The following DNLZ variants were observed in gnomAD, a reference collection of about 807,000 sequenced individuals.
DNLZ encodes the protein DNL-type zinc finger.
Under a neutral mutation model 7.8 loss-of-function variants are expected in DNLZ, and 15 were observed. That is an observed-to-expected ratio of 1.91 (90% confidence interval 1.28 to 2.95). DNLZ has a LOEUF of 2.95. DNLZ is among the 30% of genes most tolerant of loss of function. The probability of loss-of-function intolerance (pLI) is 0.00; values close to 1 mark genes in which losing one functional copy is unlikely to be tolerated. For missense variants in DNLZ, 255 were observed against 167.3 expected (o/e 1.52, Z -2.89); for synonymous variants, 123 against 77.8 (o/e 1.58, Z -3.05).
At position 136,362,193 on chromosome 9, in the gene DNLZ, G is replaced by A; in HGVS notation, c.369-13C>T. The A allele has an allele frequency of 6.8e-7, 1 of 1,477,026 alleles. No homozygotes were observed. Among genetic ancestry groups the A allele is most frequent in the Non-Finnish European group, 9.0e-7 (1 of 1,116,384 alleles). The allele number at this position is 1,477,026 out of a possible 1,614,324, so 91.5% of individuals were successfully genotyped here. On this transcript the variant is annotated splice_polypyrimidine_tract_variant and intron_variant, in intron 2 of 2. Transcript: ENST00000371738. ...CTCTTCGATATTTCTGGGGGGCAGG[G>A]AGGCAACATGGCTCTTCAGGGCCCC...
rs1286476275 is a variant in DNLZ at position 136,362,984 on chromosome 9, C to T, written c.368+5G>A. The T allele has an allele frequency of 1.2e-6, 2 of 1,613,412 alleles. No homozygotes were observed. The highest frequency in any genetic ancestry group is 1.3e-5 in the African/African-American group (1 of 74,942). ...TCTGGCCCAGCCCTGGGGTACAGGC[C>T]TCACCTCTTCCCATTCAGGTCCGAG... On this transcript the variant is annotated splice_donor_5th_base_variant and intron_variant, in intron 2 of 2. Transcript: ENST00000371738.
chr9:136,361,852 C>T lies in DNLZ; in HGVS notation c.*160G>A, dbSNP rs1018054952. ...AGCAGCACCAGGGATTCAGAGCAAT[C>T]GTTCTAACTCCAGAAAAAGAAAGGC... On this transcript the variant is annotated 3_prime_UTR_variant, in exon 3 of 3. Coordinates refer to ENST00000371738, the MANE Select transcript of DNLZ (RefSeq NM_001080849.3). 9 of 493,416 alleles carry T rather than the reference C, an allele frequency of 1.8e-5. No individual in the cohort carries two copies. Among genetic ancestry groups the T allele is most frequent in the African/African-American group, 1.6e-4 (8 of 50,496 alleles). 30.6% of individuals were successfully genotyped at this position (493,416 alleles called of 1,614,324 possible). A position where few individuals can be genotyped will look rare whatever the true frequency, so the allele number is the denominator to read the frequency against.
At chr9:136,362,313 C>T (rs1033369305) in intron 2 of DNLZ, 133 bp from the exon 3 acceptor site, 6 of 787,322 alleles carry the variant, frequency 7.6e-6, no homozygotes, top group African/African-American at 5.4e-5. Flanking sequence ...TCAGGCCACA[C>T]GGGCACTTCA....
At chr9:136,363,271 ACCTCGCCCTCTCCCGGGAAGG>A in intron 1 of DNLZ, 143 bp from the exon 2 acceptor site, 1 of 918,756 alleles carries the variant, frequency 1.1e-6, no homozygotes, top group East Asian at 2.7e-5. Context: ...CCCACCCCCA[ACCTCGCCCTCTCCCGGGAAGG>A]CCCCGCCCCA....
chr9:136,362,636 C>G (rs1833001481), intron 2 of DNLZ, among the ~76,000 whole-genome samples: 1 of 152,232 alleles, frequency 6.6e-6, no homozygotes, highest in Non-Finnish European at 1.5e-5. Flanking sequence ...GTCCACACCC[C>G]AAGCCTTGCT....
intron 2 of DNLZ, 96 bp from the exon 3 acceptor site, chr9:136,362,276 A>G: frequency 1.8e-6 from 2 of 1,140,600 alleles, no homozygotes; most frequent in Non-Finnish European, 2.3e-6. Context: ...CAGAGCTGCA[A>G]GCACCAGGCC....
In DNLZ at chr9:136,363,625, C is replaced by T. The variant is rs1324919728; in HGVS notation, c.90G>A (p.Gly30=). 2 of 472,096 alleles carry T rather than the reference C, an allele frequency of 4.2e-6. No homozygotes were observed. The highest frequency in any genetic ancestry group is 2.1e-5 in the African/African-American group (1 of 48,370). The allele number at this position is 472,096 out of a possible 1,614,324, so 29.2% of individuals were successfully genotyped here. The change falls in exon 1 of 3, where the codon GGG becomes GGA. Residue 30 remains glycine (G), a synonymous_variant. Coordinates refer to ENST00000371738, the MANE Select transcript of DNLZ (RefSeq NM_001080849.3). ...GCCTCCCCGCGACCTCTGGACGGGCCCCGCGGCCCCACAGCCGCCTCAGGC... is the reference window on the plus strand; with the variant it reads ...GCCTCCCCGCGACCTCTGGACGGGCTCCGCGGCCCCACAGCCGCCTCAGGC... ...APCLRRLWGR[G]ARPEVAGRRR...
intron 2 of DNLZ, 124 bp downstream of exon 2, chr9:136,362,865 T>C (rs779076770): frequency 5.2e-5 from 43 of 833,570 alleles, no homozygotes; most frequent in Non-Finnish European, 8.2e-5. Context: ...GTGTCTTGTA[T>C]TGATAAGGTG....
intron 1 of DNLZ, 104 bp from the exon 2 acceptor site, chr9:136,363,232 G>A (rs1168489501): frequency 2.9e-6 from 4 of 1,396,856 alleles, no homozygotes; most frequent in Non-Finnish European, 3.9e-6. Flanking sequence ...CCTCTCCAGA[G>A]AAGGCCCCGC....
chr9:136,362,733 AGAGGCAGG>A (rs1833003079), intron 2 of DNLZ, among the ~76,000 whole-genome samples: 2 of 152,302 alleles, frequency 1.3e-5, no homozygotes, highest in South Asian at 4.1e-4. Flanking sequence ...GAGGGCAGGC[AGAGGCAGG>A]GAGGCAGGGC....
Position 136,361,863 on chromosome 9 carries a change from C to T in DNLZ, c.*149G>A, listed in dbSNP as rs904505917. 3.6e-6 allele frequency: 2 copies of T among 559,814 alleles called. No homozygotes were observed. Among genetic ancestry groups the T allele is most frequent in the African/African-American group, 3.9e-5 (2 of 51,786 alleles). The allele number at this position is 559,814 out of a possible 1,614,324, so 34.7% of individuals were successfully genotyped here. A position where few individuals can be genotyped will look rare whatever the true frequency, so the allele number is the denominator to read the frequency against. On this transcript the variant is annotated 3_prime_UTR_variant, in exon 3 of 3. Transcript: ENST00000371738. The stretch of plus-strand genomic sequence containing the variant: ...GGATTCAGAGCAATCGTTCTAACTC[C>T]AGAAAAAGAAAGGCCACGAGGGCCA...
chr9:136,363,264 AC>A (rs1024973833), intron 1 of DNLZ, 136 bp from the exon 2 acceptor site: 5 of 633,420 alleles, frequency 7.9e-6, no homozygotes, highest in African/African-American at 3.7e-5. Flanking sequence ...AGCTCCACCC[AC>A]CCCCAACCTC....
rs749652312 is a variant in DNLZ, at chr9:136,362,174, G to A, written c.375C>T (p.Ile125=). The A allele has an allele frequency of 8.9e-5, 133 of 1,488,666 alleles. 1 individual carries two copies. In the South Asian group the frequency reaches 1.4e-3, roughly 16 times the overall value. The allele number at this position is 1,488,666 out of a possible 1,614,324, so 92.2% of individuals were successfully genotyped here. Residue 125 remains isoleucine, a synonymous_variant, in exon 3 of 3, where the codon ATC becomes ATT. Coordinates refer to ENST00000371738, the MANE Select transcript of DNLZ (RefSeq NM_001080849.3). ...WFSDLNGKRN[I]EEILTARGEQ... ...CGCCTCTGGCCGTCAGGATCTCTTC[G>A]ATATTTCTGGGGGGCAGGGAGGCAA...
At chr9:136,362,220 C>T (rs1008958912) in intron 2 of DNLZ, 40 bp from the exon 3 acceptor site, 2 of 1,443,924 alleles carry the variant, frequency 1.4e-6, no homozygotes, top group East Asian at 2.8e-5. Flanking sequence ...CAGGGCCCCC[C>T]AGCCGCCCTG....
At position 136,362,004 on chromosome 9, in the gene DNLZ, C is replaced by A; in HGVS notation, c.*8G>T. The A allele has an allele frequency of 7.7e-7, 1 of 1,299,968 alleles. No individual in the cohort carries two copies. The highest frequency in any genetic ancestry group is 9.8e-7 in the Non-Finnish European group (1 of 1,015,246). 80.5% of individuals were successfully genotyped at this position (1,299,968 alleles called of 1,614,324 possible). Reference sequence around the variant, plus strand: ...GCCGAAGTCCCACAGTGCCGGGGAGCGCAGGAGTCAGCTCGGCTCCGTCTT... The same window carrying A: ...GCCGAAGTCCCACAGTGCCGGGGAGAGCAGGAGTCAGCTCGGCTCCGTCTT... On this transcript the variant is annotated 3_prime_UTR_variant, in exon 3 of 3. Transcript: ENST00000371738.
At position 136,359,591 on chromosome 9, in the gene DNLZ, G is replaced by A. The variant is rs1832945016; in HGVS notation, c.*2421C>T. On this transcript the variant is annotated 3_prime_UTR_variant, in exon 3 of 3. Transcript: ENST00000371738. ...TCTGTTTTTCCTGAAAAATAAAGTC[G>A]GCCAAGTGAGTGTGGTCCGTATGGG... The A allele has an allele frequency of 6.6e-6, 1 of 152,326 alleles. No homozygotes were observed. Among genetic ancestry groups the A allele is most frequent in the African/African-American group, 2.4e-5 (1 of 41,408 alleles). 9.4% of individuals were successfully genotyped at this position (152,326 alleles called of 1,614,324 possible). A position where few individuals can be genotyped will look rare whatever the true frequency, so the allele number is the denominator to read the frequency against.
chr9:136,363,731 G>T lies in DNLZ; in HGVS notation c.-17C>A, dbSNP rs1207338121. 14 of 378,426 alleles carry T rather than the reference G, an allele frequency of 3.7e-5. No homozygotes were observed. The highest frequency in any genetic ancestry group is 4.0e-5 in the East Asian group (1 of 25,030). The allele number at this position is 378,426 out of a possible 1,614,324, so 23.4% of individuals were successfully genotyped here. ...CCGCAGCATCCCGCTCGCCGGCTCC[G>T]TCCGCCCTGCCCCGGCCCCGCCCCG... On this transcript the variant is annotated 5_prime_UTR_variant, in exon 1 of 3. Coordinates refer to ENST00000371738, the MANE Select transcript of DNLZ (RefSeq NM_001080849.3).
intron 1 of DNLZ, 103 bp from the exon 2 acceptor site, chr9:136,363,231 A>G (rs1833016429): frequency 2.1e-6 from 3 of 1,401,638 alleles, no homozygotes. Context: ...CCCTCTCCAG[A>G]GAAGGCCCCG....
At position 136,362,009 on chromosome 9, in the gene DNLZ, G is replaced by A. The variant is rs778553716; in HGVS notation, c.*3C>T. On this transcript the variant is annotated 3_prime_UTR_variant, in exon 3 of 3. Transcript: ENST00000371738. ...AGTCCCACAGTGCCGGGGAGCGCAG[G>A]AGTCAGCTCGGCTCCGTCTTGCCAG... The A allele has an allele frequency of 1.1e-5, 15 of 1,305,094 alleles. No individual in the cohort carries two copies. The highest frequency in any genetic ancestry group is 1.3e-5 in the Non-Finnish European group (13 of 1,017,938). 80.8% of individuals were successfully genotyped at this position (1,305,094 alleles called of 1,614,324 possible).
Sources: allele counts gnomAD v4.1 joint callset (sites outside exome capture counted in the v4.1 genomes callset), GRCh38; gene constraint gnomAD v4.1.1; transcripts MANE v1.5; gene names NCBI Gene and HGNC (gene_info 2026-07-23, HGNC 2026-07-21).